The following HECW2 variants were observed in gnomAD, a reference collection of about 807,000 sequenced individuals.
HECW2 encodes the protein E3 ubiquitin-protein ligase HECW2.
A neutral mutation model predicts 175.2 loss-of-function variants in HECW2; 61 were observed. The ratio of observed to expected loss-of-function variants is 0.35; its 90% CI spans 0.28 to 0.43. HECW2 has a LOEUF of 0.43. HECW2 is among the 20% of genes least tolerant of loss of function. The pLI, the probability that HECW2 is intolerant of heterozygous loss-of-function variation, is 1.00. For missense variants in HECW2, 1,524 were observed against 2,000.5 expected, an observed-to-expected ratio of 0.76 and a Z score of 4.54; for synonymous variants, 671 against 731.0, an observed-to-expected ratio of 0.92 and a Z score of 1.32.
chr2:196,242,338 T>C (rs1179930002), intron 19 of HECW2, 134 bp from the exon 20 acceptor site: 2 of 1,172,946 alleles, frequency 1.7e-6, no homozygotes, highest in East Asian at 5.1e-5. Context: ...ATTTTTGATT[T>C]CTGCAAGTTG....
chr2:196,279,538 T>A (rs765218171), intron 14 of HECW2, among the ~76,000 whole-genome samples: 1 of 152,164 alleles, frequency 6.6e-6, no homozygotes, highest in African/African-American at 2.4e-5. Flanking sequence ...CACATCTCTA[T>A]CACCATAGTC....
chr2:196,555,709 T>C (rs568409000), intron 1 of HECW2, among the ~76,000 whole-genome samples: 3 of 152,340 alleles, frequency 2.0e-5, no homozygotes, highest in South Asian at 2.1e-4. Flanking sequence ...GAGTTAAGTA[T>C]TTTTTAAAAA....
chr2:196,470,662 G>T (rs940650631), intron 1 of HECW2, among the ~76,000 whole-genome samples: 1 of 152,054 alleles, frequency 6.6e-6, no homozygotes, highest in Non-Finnish European at 1.5e-5. Context: ...CACTTATTCT[G>T]CCATAACTAA....
rs1686812644 is a variant in HECW2 at position 196,200,260 on chromosome 2, T to C, written c.*1017A>G. 6.6e-6 allele frequency: 1 copy of C among 152,556 alleles called. No individual in the cohort carries two copies. The highest frequency in any genetic ancestry group is 1.5e-5 in the Non-Finnish European group (1 of 67,990). 9.5% of individuals were successfully genotyped at this position (152,556 alleles called of 1,614,324 possible). A position where few individuals can be genotyped will look rare whatever the true frequency, so the allele number is the denominator to read the frequency against. Reference sequence around the variant, plus strand: ...CTATTATACTTCTCAAGTGATGGAGTTGCTGTTAGTCATATTGTAATGTCC... The same window carrying C: ...CTATTATACTTCTCAAGTGATGGAGCTGCTGTTAGTCATATTGTAATGTCC... On this transcript the variant is annotated 3_prime_UTR_variant, in exon 29 of 29. Coordinates refer to ENST00000644978, the MANE Select transcript of HECW2 (RefSeq NM_001348768.2).
intron 28 of HECW2, among the ~76,000 whole-genome samples, chr2:196,203,052 T>C (rs1288003470): frequency 1.3e-5 from 2 of 152,198 alleles, no homozygotes; most frequent in African/African-American, 2.4e-5. Context: ...TGTGAAATTT[T>C]CTACTTGTGG....
At chr2:196,394,192 C>A (rs1016095634) in intron 2 of HECW2, among the ~76,000 whole-genome samples, 1 of 151,952 alleles carries the variant, frequency 6.6e-6, no homozygotes, top group Non-Finnish European at 1.5e-5. Flanking sequence ...AGGAGATATA[C>A]CTAATGTAAA....
At chr2:196,379,272 G>A (rs1035492104) in intron 2 of HECW2, among the ~76,000 whole-genome samples, 4 of 152,140 alleles carry the variant, frequency 2.6e-5, no homozygotes, top group African/African-American at 9.7e-5. Context: ...CCTTAAGGAG[G>A]CTGTGATTGG....
intron 2 of HECW2, among the ~76,000 whole-genome samples, chr2:196,416,547 T>A (rs542447743): frequency 6.6e-6 from 1 of 152,166 alleles, no homozygotes; most frequent in Non-Finnish European, 1.5e-5. Context: ...ATCAGATTCA[T>A]GTTCAGTGGG....
At chr2:196,280,605 C>T (rs1175292423) in intron 14 of HECW2, among the ~76,000 whole-genome samples, 4 of 152,200 alleles carry the variant, frequency 2.6e-5, no homozygotes, top group Admixed American at 2.0e-4. Flanking sequence ...TGTCATCAGC[C>T]TCACATCCTG....
At chr2:196,476,094 T>C (rs2125362523) in intron 1 of HECW2, among the ~76,000 whole-genome samples, 1 of 152,260 alleles carries the variant, frequency 6.6e-6, no homozygotes, top group East Asian at 1.9e-4. Flanking sequence ...ATTCTGGCTC[T>C]ATCATTTTAG....
rs138471891 is a variant in HECW2, at chr2:196,206,959, G to C, written c.4608-5571C>G. On this transcript the variant is annotated intron_variant, in intron 28 of 28. Coordinates refer to ENST00000644978, the MANE Select transcript of HECW2 (RefSeq NM_001348768.2). ...CATAGAGGACACTATCTGTGCCAAG[G>C]CTTGAAAGATTTGTAGGTGTGCAGG... Among the ~76,000 whole-genome samples, 488 of 152,314 alleles carry C rather than the reference G, an allele frequency of 3.2e-3. 2 individuals carry two copies. Among genetic ancestry groups the C allele is most frequent in the African/African-American group, 0.011 (471 of 41,554 alleles).
At chr2:196,295,232 A>C (rs1211860774) in intron 13 of HECW2, among the ~76,000 whole-genome samples, 4 of 152,212 alleles carry the variant, frequency 2.6e-5, no homozygotes, top group African/African-American at 9.6e-5. Context: ...AGAGAGCATG[A>C]GAGGATAGGA....
chr2:196,503,868 C>T (rs1229791639), intron 1 of HECW2, among the ~76,000 whole-genome samples: 2 of 152,164 alleles, frequency 1.3e-5, no homozygotes, highest in South Asian at 2.1e-4. Flanking sequence ...TTTAAAAGTA[C>T]TTTTCCCACC....
chr2:196,523,840 T>C (rs1688519228), intron 1 of HECW2, among the ~76,000 whole-genome samples: 1 of 152,014 alleles, frequency 6.6e-6, no homozygotes, highest in Non-Finnish European at 1.5e-5. Flanking sequence ...TTGATCATAG[T>C]GGATAAGCTT....
In HECW2 at chr2:196,490,669, C is replaced by G. The variant is rs1159399355; in HGVS notation, c.-35-57211G>C. The stretch of plus-strand genomic sequence containing the variant: ...ACTTGTATATGAAAGTTCACAGCAG[C>G]ATTATTTATAAGGCCAAAAAGTAAA... On this transcript the variant is annotated intron_variant, in intron 1 of 28. Transcript: ENST00000644978. Among the ~76,000 whole-genome samples, 3 of 152,140 alleles carry G rather than the reference C, an allele frequency of 2.0e-5. No individual in the cohort carries two copies. The East Asian group carries it at 5.8e-4, about 29-fold the overall frequency.
rs748516653 is a variant in HECW2 at position 196,317,283 on chromosome 2, G to A, written c.2425C>T (p.Leu809Phe). ...VSRYQRVDEA[L>F]PPNWEARIDS... Reference sequence around the variant, plus strand: ...ACTAACAGGTCCTCACTTGGTGGGAGAGCCTCGTCCACCCTCTGGTACCGG... The same window carrying A: ...ACTAACAGGTCCTCACTTGGTGGGAAAGCCTCGTCCACCCTCTGGTACCGG... Residue 809 changes from leucine (L) to phenylalanine (F), a missense_variant, in exon 10 of 29, where the codon CTC becomes TTC. Transcript: ENST00000644978. 2 of 1,611,990 alleles carry A rather than the reference G, an allele frequency of 1.2e-6. No individual in the cohort carries two copies. Among genetic ancestry groups the A allele is most frequent in the Non-Finnish European group, 1.7e-6 (2 of 1,178,932 alleles).
intron 17 of HECW2, among the ~76,000 whole-genome samples, chr2:196,261,938 C>G (rs754620694): frequency 2.0e-5 from 3 of 152,118 alleles, no homozygotes; most frequent in Admixed American, 6.6e-5. Flanking sequence ...AATAACATAA[C>G]AAGTTTGAGA....
chr2:196,317,169 C>T (rs549877533), intron 10 of HECW2, 105 bp downstream of exon 10: 9 of 871,476 alleles, frequency 1.0e-5, no homozygotes, highest in Admixed American at 4.2e-5. Context: ...AGATTCCTTC[C>T]GCTTGAAGAC....
chr2:196,332,237 A>G (rs141712698), intron 4 of HECW2, among the ~76,000 whole-genome samples: 49 of 152,244 alleles, frequency 3.2e-4, no homozygotes, highest in African/African-American at 1.1e-3. Flanking sequence ...TGGCCATGGT[A>G]TAATTGTACT....
Sources: allele counts gnomAD v4.1 joint callset (sites outside exome capture counted in the v4.1 genomes callset), GRCh38; gene constraint gnomAD v4.1.1; transcripts MANE v1.5; gene names NCBI Gene and HGNC (gene_info 2026-07-23, HGNC 2026-07-21).